The following DLGAP1 variants were observed in gnomAD, a reference collection of about 807,000 sequenced individuals.
DLGAP1 encodes the protein DLG associated protein 1, also known as disks large-associated protein 1.
Under a neutral mutation model 90.8 loss-of-function variants are expected in DLGAP1, and 11 were observed. That is an observed-to-expected ratio of 0.12 (90% CI 0.08 to 0.20). The LOEUF (loss-of-function observed/expected upper bound fraction) is 0.20. Among genes scored for constraint, DLGAP1 ranks in the 10% least tolerant of loss-of-function variants. The probability of loss-of-function intolerance (pLI) is 1.00; values close to 1 mark genes in which losing one functional copy is unlikely to be tolerated. For synonymous variants in DLGAP1, 558 were observed against 540.7 expected (o/e 1.03, Z -0.44); for missense variants, 1,050 against 1,333.8 (o/e 0.79, Z 3.31).
intron 5 of DLGAP1, among the ~76,000 whole-genome samples, chr18:3,803,428 C>T (rs2066408949): frequency 6.6e-6 from 1 of 152,114 alleles, no homozygotes; most frequent in Admixed American, 6.6e-5. Context: ...GCACTTGTAC[C>T]CACAGCAGTG....
At position 4,135,326 on chromosome 18, in the gene DLGAP1, T is replaced by A. The variant is rs1179535757; in HGVS notation, c.-159+15854A>T. 3.3e-5 allele frequency among the ~76,000 whole-genome samples: 5 copies of A among 152,212 alleles called. No individual in the cohort carries two copies. The East Asian group carries it at 5.8e-4, about 18-fold the overall frequency. On this transcript the variant is annotated intron_variant, in intron 2 of 12. Transcript: ENST00000315677. ...GTTGTTTTGGAAATAAAGGGTTTGATGTGACCAGGAAGTACTAGTAGATGC... is the reference window on the plus strand; with the variant it reads ...GTTGTTTTGGAAATAAAGGGTTTGAAGTGACCAGGAAGTACTAGTAGATGC...
At chr18:3,947,006 T>C (rs1363138665) in intron 3 of DLGAP1, among the ~76,000 whole-genome samples, 1 of 152,212 alleles carries the variant, frequency 6.6e-6, no homozygotes, top group African/African-American at 2.4e-5. Flanking sequence ...CCTTGTTTTA[T>C]TCTTTGAATG....
intron 3 of DLGAP1, among the ~76,000 whole-genome samples, chr18:3,890,797 T>C (rs1273287166): frequency 6.6e-6 from 1 of 152,200 alleles, no homozygotes; most frequent in Non-Finnish European, 1.5e-5. Context: ...GGCATAATCA[T>C]GGCTCACTGC....
At chr18:3,743,347 A>C (rs531837676) in intron 5 of DLGAP1, among the ~76,000 whole-genome samples, 1 of 151,840 alleles carries the variant, frequency 6.6e-6, no homozygotes, top group East Asian at 1.9e-4. Context: ...TATTTTATTT[A>C]ATTTTAATTT....
At position 4,027,333 on chromosome 18, in the gene DLGAP1, C is replaced by T. The variant is rs34312934; in HGVS notation, c.-158-22132G>A. Reference sequence around the variant, plus strand: ...CTAGCCTGGCCAAAATGGCAAAACCCCACCTCTACTAAAAATACAAAAATT... The same window carrying T: ...CTAGCCTGGCCAAAATGGCAAAACCTCACCTCTACTAAAAATACAAAAATT... On this transcript the variant is annotated intron_variant, in intron 2 of 12. Coordinates refer to ENST00000315677, the MANE Select transcript of DLGAP1 (RefSeq NM_004746.4). Among the ~76,000 whole-genome samples, 93 of 151,154 alleles carry T rather than the reference C, an allele frequency of 6.2e-4. 1 individual carries two copies. In the South Asian group the frequency reaches 0.019, roughly 31 times the overall value.
intron 1 of DLGAP1, among the ~76,000 whole-genome samples, chr18:4,300,796 T>C (rs956785325): frequency 2.6e-5 from 4 of 152,202 alleles, no homozygotes; most frequent in Non-Finnish European, 4.4e-5. Flanking sequence ...TAAGGATTTG[T>C]TATATACTCT....
intron 9 of DLGAP1, among the ~76,000 whole-genome samples, chr18:3,543,216 G>A (rs1482236266): frequency 7.3e-6 from 1 of 136,768 alleles, no homozygotes; most frequent in Non-Finnish European, 1.5e-5. Flanking sequence ...TGTCACCCAG[G>A]CTGGAGTGGA....
intron 3 of DLGAP1, chr18:3,983,865 T>C (rs927607520): frequency 1.3e-5 from 2 of 152,150 alleles, no homozygotes; most frequent in African/African-American, 4.8e-5. Flanking sequence ...GGCAAGTTCT[T>C]AGACAACACC....
In DLGAP1 at chr18:3,508,325, A is replaced by G. The variant is rs567347393; in HGVS notation, c.2571+245T>C. ...GGAAAATGGAAAATTTTCAGTTACAAAAGAAGCAGGAAATAATTTTAACTT... is the reference window on the plus strand; with the variant it reads ...GGAAAATGGAAAATTTTCAGTTACAGAAGAAGCAGGAAATAATTTTAACTT... On this transcript the variant is annotated intron_variant, in intron 11 of 12. Coordinates refer to ENST00000315677, the MANE Select transcript of DLGAP1 (RefSeq NM_004746.4). 2.0e-5 allele frequency among the ~76,000 whole-genome samples: 3 copies of G among 152,292 alleles called. No homozygotes were observed. In the East Asian group the frequency reaches 5.8e-4, roughly 29 times the overall value.
intron 4 of DLGAP1, among the ~76,000 whole-genome samples, chr18:3,861,585 C>T (rs1445604148): frequency 6.6e-6 from 1 of 152,178 alleles, no homozygotes; most frequent in Non-Finnish European, 1.5e-5. Context: ...ATAGAGAACA[C>T]CTGAATTAGG....
chr18:3,502,839 T>C (rs1477463961), intron 11 of DLGAP1, among the ~76,000 whole-genome samples, 194 bp from the exon 12 acceptor site: 2 of 152,316 alleles, frequency 1.3e-5, no homozygotes, highest in Admixed American at 6.5e-5. Flanking sequence ...TTCTCAAATG[T>C]CAAGGTTGTA....
chr18:4,211,465 A>G (rs2077839155), intron 1 of DLGAP1, among the ~76,000 whole-genome samples: 1 of 152,178 alleles, frequency 6.6e-6, no homozygotes, highest in Non-Finnish European at 1.5e-5. Context: ...CTTAGTTTGA[A>G]TCTGGAAGGC....
At chr18:3,716,218 G>A (rs1403900675) in intron 7 of DLGAP1, among the ~76,000 whole-genome samples, 1 of 152,192 alleles carries the variant, frequency 6.6e-6, no homozygotes, top group Non-Finnish European at 1.5e-5. Context: ...CTTCCAGTAG[G>A]ACCAAACCAA....
At chr18:3,687,066 T>C (rs140090420) in intron 7 of DLGAP1, among the ~76,000 whole-genome samples, 18 of 152,320 alleles carry the variant, frequency 1.2e-4, no homozygotes, top group African/African-American at 4.1e-4. Context: ...GGGTGGCCTC[T>C]AGAAACTGGA....
At chr18:4,148,100 C>T (rs1042254299) in intron 2 of DLGAP1, among the ~76,000 whole-genome samples, 1 of 152,090 alleles carries the variant, frequency 6.6e-6, no homozygotes, top group Admixed American at 6.6e-5. Flanking sequence ...AAACTAAAAG[C>T]CATGGCTTCA....
At chr18:4,331,762 A>G (rs2080957837) in intron 1 of DLGAP1, among the ~76,000 whole-genome samples, 1 of 151,818 alleles carries the variant, frequency 6.6e-6, no homozygotes, top group African/African-American at 2.4e-5. Flanking sequence ...TCTTATCTAG[A>G]GCCTCTGCTA....
intron 1 of DLGAP1, among the ~76,000 whole-genome samples, chr18:4,272,164 A>G (rs1197926739): frequency 1.3e-5 from 2 of 152,312 alleles, no homozygotes; most frequent in East Asian, 1.9e-4. Flanking sequence ...TAAGAAATAT[A>G]TATTTATCTC....
At chr18:3,839,926 C>T (rs1338211744) in intron 4 of DLGAP1, among the ~76,000 whole-genome samples, 2 of 152,184 alleles carry the variant, frequency 1.3e-5, no homozygotes, top group East Asian at 3.9e-4. Flanking sequence ...GGCTGTCAGC[C>T]CCACCCTGAA....
chr18:4,085,916 G>T (rs1373578670), intron 2 of DLGAP1, among the ~76,000 whole-genome samples: 1 of 151,934 alleles, frequency 6.6e-6, no homozygotes, highest in Non-Finnish European at 1.5e-5. Flanking sequence ...GCTTACTGTG[G>T]GAACTTCTTT....
Sources: gnomAD v4.1 joint callset for allele counts (sites outside exome capture counted in the v4.1 genomes callset) on GRCh38, gnomAD v4.1.1 for gene constraint, MANE v1.5 for transcripts, NCBI Gene and HGNC (gene_info 2026-07-23, HGNC 2026-07-21) for gene names.